Variants in LEKR1 observed in about 807,000 individuals in gnomAD.
LEKR1 encodes leucine, glutamate and lysine rich 1.
A neutral mutation model predicts 72.4 loss-of-function variants in LEKR1; 59 were observed. That is an observed-to-expected ratio of 0.82 (90% CI 0.66 to 1.01). The LOEUF is 1.01. Among genes scored for constraint, LEKR1 ranks in the 50% least tolerant of loss-of-function variants. LEKR1 has a pLI of 0.00. For missense variants in LEKR1, 728 were observed against 759.2 expected (o/e 0.96, Z 0.48); for synonymous variants, 257 against 263.2 (o/e 0.98, Z 0.23).
chr3:156,908,006 A>G (rs764442441), intron 3 of LEKR1, among the ~76,000 whole-genome samples: 8 of 151,818 alleles, frequency 5.3e-5, no homozygotes, highest in African/African-American at 1.5e-4. Context: ...ATATCCCTCA[A>G]TTTGGGTTTG....
chr3:156,933,684 ATTATTAATATTTTC>A (rs1275712169), intron 5 of LEKR1, among the ~76,000 whole-genome samples: 1 of 152,188 alleles, frequency 6.6e-6, no homozygotes, highest in Non-Finnish European at 1.5e-5. Flanking sequence ...TTTGTGTTGC[ATTATTAATATTTTC>A]TGTAATCCAT....
intron 3 of LEKR1, among the ~76,000 whole-genome samples, chr3:156,886,265 C>G (rs1720061884): frequency 6.6e-6 from 1 of 152,016 alleles, no homozygotes; most frequent in South Asian, 2.1e-4. Flanking sequence ...TCACCCAGCT[C>G]CCACACAGTT....
chr3:156,966,649 G>A (rs532760057), intron 6 of LEKR1, among the ~76,000 whole-genome samples: 3 of 152,292 alleles, frequency 2.0e-5, no homozygotes, highest in Admixed American at 2.0e-4. Flanking sequence ...ACTGAGTGAA[G>A]CCCACCGCAG....
chr3:157,044,556 A>G (rs531162868), intron 12 of LEKR1, among the ~76,000 whole-genome samples: 19 of 152,306 alleles, frequency 1.2e-4, no homozygotes, highest in Middle Eastern at 6.8e-3. Flanking sequence ...GTTCTTCCTT[A>G]TTTTAATCCC....
chr3:156,883,216 A>G (rs1282229014), intron 3 of LEKR1, among the ~76,000 whole-genome samples: 1 of 63,348 alleles, frequency 1.6e-5, no homozygotes, highest in South Asian at 7.4e-4. Flanking sequence ...TCAGACTTGC[A>G]TGGGGCCTGT....
chr3:157,017,854 C>G (rs1009027765), intron 10 of LEKR1, among the ~76,000 whole-genome samples: 2 of 146,660 alleles, frequency 1.4e-5, no homozygotes, highest in African/African-American at 5.1e-5. Flanking sequence ...GAGGCTGAGA[C>G]AGGAGAATAG....
chr3:156,950,565 T>C (rs544357002), intron 6 of LEKR1, among the ~76,000 whole-genome samples: 1 of 151,510 alleles, frequency 6.6e-6, no homozygotes, highest in African/African-American at 2.4e-5. Flanking sequence ...TAGTTAGCTG[T>C]ATTCCTATGT....
chr3:157,037,965 GATAGAAACC>G (rs920074369), intron 12 of LEKR1, among the ~76,000 whole-genome samples: 2 of 152,186 alleles, frequency 1.3e-5, no homozygotes, highest in African/African-American at 4.8e-5. Flanking sequence ...CAAGGATAGT[GATAGAAACC>G]AAGGTTGAAG....
At chr3:157,036,622 T>C (rs1298716870) in intron 12 of LEKR1, among the ~76,000 whole-genome samples, 4 of 152,052 alleles carry the variant, frequency 2.6e-5, no homozygotes, top group Non-Finnish European at 4.4e-5. Context: ...GGAGAAAATA[T>C]AGGAATCAGG....
In LEKR1 at chr3:157,045,663, A is replaced by G. The variant is rs561061515; in HGVS notation, c.1992A>G (p.Pro664=). ...CAGGCGTGCCCATTCTCCCCCAGCCACATCCTCCCAGGGGTGGAGCATCTT... is the reference window on the plus strand; with the variant it reads ...CAGGCGTGCCCATTCTCCCCCAGCCGCATCCTCCCAGGGGTGGAGCATCTT... ...VRSGVPILPQ[P]HPPRGGASSA... is the part of the protein sequence containing the mutation. The change falls in exon 13 of 13, where the codon CCA becomes CCG. Residue 664 remains proline, a synonymous_variant. Transcript: ENST00000356539. 15 of 1,614,084 alleles carry G rather than the reference A, an allele frequency of 9.3e-6. No individual in the cohort carries two copies. The East Asian group carries it at 3.3e-4, about 36-fold the overall frequency.
chr3:157,045,621 G>A lies in LEKR1; in HGVS notation c.1950G>A (p.Lys650=). ...SKPTTFPTSD[K]PKRVRSGVPI... ...CCACCACTTTCCCAACCTCAGATAA[G>A]CCGAAGAGGGTTAGATCAGGCGTGC... Residue 650 remains lysine, a synonymous_variant, in exon 13 of 13, where the codon AAG becomes AAA. Coordinates refer to ENST00000356539, the MANE Select transcript of LEKR1 (RefSeq NM_001004316.3). The A allele has an allele frequency of 6.2e-7, 1 of 1,614,160 alleles. No individual in the cohort carries two copies.
intron 6 of LEKR1, among the ~76,000 whole-genome samples, chr3:156,954,214 G>GT (rs1305419252): frequency 6.6e-6 from 1 of 151,672 alleles, no homozygotes; most frequent in African/African-American, 2.4e-5. Flanking sequence ...GGGGTTGTTT[G>GT]TTTTTTCCTT....
chr3:156,902,460 T>G (rs1722129561), intron 3 of LEKR1, among the ~76,000 whole-genome samples: 1 of 152,180 alleles, frequency 6.6e-6, no homozygotes, highest in African/African-American at 2.4e-5. Flanking sequence ...TCTGTAATAA[T>G]TTTAATAAAA....
intron 10 of LEKR1, among the ~76,000 whole-genome samples, chr3:157,024,559 G>A (rs1482462837): frequency 6.6e-6 from 1 of 152,172 alleles, no homozygotes; most frequent in Non-Finnish European, 1.5e-5. Flanking sequence ...GGTCTTAGAA[G>A]GTGGTGGAAT....
chr3:156,857,238 A>C (rs1716175458), intron 3 of LEKR1, among the ~76,000 whole-genome samples: 1 of 152,078 alleles, frequency 6.6e-6, no homozygotes, highest in African/African-American at 2.4e-5. Flanking sequence ...TCTAATATGA[A>C]GCTAAACTTA....
intron 5 of LEKR1, among the ~76,000 whole-genome samples, chr3:156,940,219 C>T (rs1217624401): frequency 6.6e-6 from 1 of 152,102 alleles, no homozygotes; most frequent in Non-Finnish European, 1.5e-5. Flanking sequence ...GAATAAGATA[C>T]TATCTATGGC....
chr3:157,011,664 C>G (rs1732897185), intron 10 of LEKR1, among the ~76,000 whole-genome samples, 158 bp downstream of exon 10: 1 of 152,068 alleles, frequency 6.6e-6, no homozygotes, highest in Non-Finnish European at 1.5e-5. Context: ...TGGAATGTGT[C>G]TTTTCCAAAA....
intron 7 of LEKR1, among the ~76,000 whole-genome samples, chr3:156,987,643 T>C (rs951716445): frequency 2.0e-5 from 3 of 152,238 alleles, no homozygotes; most frequent in Admixed American, 1.3e-4. Flanking sequence ...TTACATTTTA[T>C]TTTCTTATCA....
chr3:156,961,606 G>T (rs1182897574), intron 6 of LEKR1, among the ~76,000 whole-genome samples: 2 of 152,158 alleles, frequency 1.3e-5, no homozygotes, highest in African/African-American at 4.8e-5. Flanking sequence ...TGTAAGTACT[G>T]CATTCCTTAA....
Sources: gnomAD v4.1 joint callset for allele counts (sites outside exome capture counted in the v4.1 genomes callset) on GRCh38, gnomAD v4.1.1 for gene constraint, MANE v1.5 for transcripts, NCBI Gene and HGNC (gene_info 2026-07-23, HGNC 2026-07-21) for gene names.